Variants in LPAR6 observed in about 807,000 individuals in gnomAD.
LPAR6 encodes G-protein coupled purinergic receptor P2Y5.
A neutral mutation model predicts 22.0 loss-of-function variants in LPAR6; 17 were observed. The ratio of observed to expected loss-of-function variants is 0.77; its 90% CI spans 0.53 to 1.16. The LOEUF (loss-of-function observed/expected upper bound fraction) is 1.16, where lower values mean the gene tolerates loss of function less well. Among genes scored for constraint, LPAR6 ranks in the 50% most tolerant of loss-of-function variants. The pLI is 0.00. For synonymous variants in LPAR6, 136 were observed against 139.8 expected, an observed-to-expected ratio of 0.97 and a Z score of 0.19; for missense variants, 384 against 406.9, an observed-to-expected ratio of 0.94 and a Z score of 0.48.
At chr13:48,406,587 T>G (rs1422703594), downstream of LPAR6, 3 of 152,244 alleles carry the variant, frequency 2.0e-5, no homozygotes, top group Non-Finnish European at 4.4e-5. Flanking sequence ...CCACAGCTTC[T>G]CAGCACTTAA....
At chr13:48,424,048 C>T (rs1949045810) in intron 1 of LPAR6, 1 of 152,646 alleles carries the variant, frequency 6.6e-6, no homozygotes, top group African/African-American at 2.4e-5. Context: ...ACTTCCATCT[C>T]TTAATTTACA....
upstream of LPAR6, chr13:48,426,972 G>A (rs1949088525): frequency 6.6e-6 from 1 of 152,502 alleles, no homozygotes; most frequent in South Asian, 2.1e-4. Flanking sequence ...ATGTCACGTG[G>A]TGACAATAGG....
At chr13:48,434,772 C>T (rs192256715) in intron 1 of LPAR6, among the ~76,000 whole-genome samples, 106 of 152,314 alleles carry the variant, frequency 7.0e-4, no homozygotes, top group Non-Finnish European at 1.3e-3. Context: ...GCTAATCTGC[C>T]CTTCAATTCT....
At chr13:48,432,217 T>C (rs558217466) in intron 1 of LPAR6, among the ~76,000 whole-genome samples, 1 of 152,116 alleles carries the variant, frequency 6.6e-6, no homozygotes, top group Non-Finnish European at 1.5e-5. Flanking sequence ...AATTAACCTT[T>C]AACTGATCAA....
chr13:48,405,212 A>G (rs1948729196), intron 1 of LPAR6, among the ~76,000 whole-genome samples: 1 of 152,242 alleles, frequency 6.6e-6, no homozygotes, highest in Admixed American at 6.5e-5. Flanking sequence ...ATAGTTTCAT[A>G]AAGAATGCCT....
chr13:48,406,662 A>G (rs1397722295), downstream of LPAR6: 1 of 152,180 alleles, frequency 6.6e-6, no homozygotes, highest in Admixed American at 6.5e-5. Context: ...GCCACTTTGA[A>G]TGTTTTAATT....
rs558649934 is a variant in LPAR6, at chr13:48,437,596, G to C, written c.-1474+6957C>G. 7.2e-5 allele frequency among the ~76,000 whole-genome samples: 11 copies of C among 152,296 alleles called. No homozygotes were observed. In the South Asian group the frequency reaches 1.7e-3, roughly 23 times the overall value. On this transcript the variant is annotated intron_variant, in intron 1 of 6. Transcript: ENST00000378434. The stretch of plus-strand genomic sequence containing the variant: ...TACTTCCAAGTTCACTCGTGTGGTT[G>C]TTGGCAGGCCTCAGTTCTTTGCTGG...
At chr13:48,441,580 AG>A (rs1468896428) in intron 1 of LPAR6, among the ~76,000 whole-genome samples, 2 of 152,246 alleles carry the variant, frequency 1.3e-5, no homozygotes, top group African/African-American at 4.8e-5. Context: ...ACCTAGAAGT[AG>A]AAGCAGCAAA....
intron 1 of LPAR6, among the ~76,000 whole-genome samples, chr13:48,434,334 C>T (rs978566153): frequency 1.3e-5 from 2 of 151,864 alleles, no homozygotes; most frequent in African/African-American, 4.8e-5. Context: ...TTTTTGGATT[C>T]AGTCTTGATA....
chr13:48,389,982 G>A (rs1382552380), intron 1 of LPAR6, among the ~76,000 whole-genome samples: 1 of 152,092 alleles, frequency 6.6e-6, no homozygotes, highest in Non-Finnish European at 1.5e-5. Flanking sequence ...GGGAGACCCT[G>A]TCTCTACAGA....
intron 2 of LPAR6, among the ~76,000 whole-genome samples, chr13:48,420,995 G>A (rs555236018): frequency 4.0e-4 from 61 of 151,922 alleles, no homozygotes; most frequent in Non-Finnish European, 7.9e-4. Context: ...TATCCCTATC[G>A]AGCTACCATT....
At chr13:48,440,645 A>G (rs909381460) in intron 1 of LPAR6, among the ~76,000 whole-genome samples, 1 of 152,200 alleles carries the variant, frequency 6.6e-6, no homozygotes, top group South Asian at 2.1e-4. Context: ...AGTATTAATT[A>G]TATGATTTTG....
At chr13:48,430,230 A>G (rs1323798206), upstream of LPAR6, among the ~76,000 whole-genome samples, 2 of 152,230 alleles carry the variant, frequency 1.3e-5, no homozygotes, top group African/African-American at 4.8e-5. Context: ...AATTTAATGT[A>G]TGATAATTTA....
At chr13:48,392,858 C>G (rs1948621866) in intron 1 of LPAR6, among the ~76,000 whole-genome samples, 1 of 151,548 alleles carries the variant, frequency 6.6e-6, no homozygotes, top group South Asian at 2.1e-4. Flanking sequence ...TTTAGTGGGT[C>G]CTGGATATTT....
chr13:48,438,299 A>G (rs4151563), intron 1 of LPAR6, among the ~76,000 whole-genome samples: 10,103 of 152,196 alleles, frequency 0.066, 1,107 homozygotes, highest in African/African-American at 0.23. Context: ...TTCTTATCTT[A>G]TAGATTAGCT....
At chr13:48,419,529 C>G (rs2138235261) in intron 2 of LPAR6, among the ~76,000 whole-genome samples, 1 of 152,172 alleles carries the variant, frequency 6.6e-6, no homozygotes, top group Non-Finnish European at 1.5e-5. Flanking sequence ...TAAGAAATAA[C>G]CAAGGTCAGA....
downstream of LPAR6, chr13:48,406,628 T>A (rs1948742508): frequency 6.6e-6 from 1 of 152,238 alleles, no homozygotes; most frequent in African/African-American, 2.4e-5. Context: ...TAAGTACGTG[T>A]AAGATGTTAG....
At chr13:48,434,341 G>C (rs1949160689) in intron 1 of LPAR6, among the ~76,000 whole-genome samples, 1 of 151,832 alleles carries the variant, frequency 6.6e-6, no homozygotes, top group Non-Finnish European at 1.5e-5. Context: ...ATTCAGTCTT[G>C]ATAATAAAAA....
intron 1 of LPAR6, among the ~76,000 whole-genome samples, chr13:48,440,911 A>C (rs998601278): frequency 2.6e-5 from 4 of 152,178 alleles, no homozygotes; most frequent in African/African-American, 9.6e-5. Flanking sequence ...CCTATATTGT[A>C]ATATTCAAGG....
Sources: allele counts gnomAD v4.1 joint callset (sites outside exome capture counted in the v4.1 genomes callset), GRCh38; gene constraint gnomAD v4.1.1; transcripts MANE v1.5; gene names NCBI Gene and HGNC (gene_info 2026-07-23, HGNC 2026-07-21).